The following CCSER1 variants were observed in gnomAD, a reference collection of about 807,000 sequenced individuals.
CCSER1 encodes the protein serine-rich coiled-coil domain-containing protein 1.
A neutral mutation model predicts 82.0 loss-of-function variants in CCSER1; 41 were observed. The ratio of observed to expected loss-of-function variants is 0.50; its 90% CI spans 0.39 to 0.65. The LOEUF (loss-of-function observed/expected upper bound fraction) is 0.65. Ranked by LOEUF, CCSER1 falls within the 30% of genes least tolerant of loss-of-function variation. CCSER1 has a pLI of 0.00. For missense variants in CCSER1, 1,119 were observed against 1,064.2 expected (o/e 1.05, Z -0.72); for synonymous variants, 414 against 383.9 (o/e 1.08, Z -0.92).
rs1195910793 is a variant in CCSER1, at chr4:91,604,573, G to T, written c.*5516G>T. On this transcript the variant is annotated 3_prime_UTR_variant, in exon 11 of 11. Transcript: ENST00000509176. ...CAATGAAGTGTCTAACAAAAGGAAAGCATACAGTAAATGAAAAATAAACTA... is the reference window on the plus strand; with the variant it reads ...CAATGAAGTGTCTAACAAAAGGAAATCATACAGTAAATGAAAAATAAACTA... 6.6e-6 allele frequency: 1 copy of T among 151,926 alleles called. No individual in the cohort carries two copies. Among genetic ancestry groups the T allele is most frequent in the African/African-American group, 2.4e-5 (1 of 41,398 alleles). 9.4% of individuals were successfully genotyped at this position (151,926 alleles called of 1,614,324 possible).
chr4:90,562,039 T>C (rs116396229), intron 5 of CCSER1, among the ~76,000 whole-genome samples: 9,670 of 151,528 alleles, frequency 0.064, 981 homozygotes, highest in African/African-American at 0.22. Flanking sequence ...ATATACCAAA[T>C]GTTAGCCGGG....
chr4:91,253,374 A>T (rs1279747329), intron 10 of CCSER1, among the ~76,000 whole-genome samples: 1 of 152,178 alleles, frequency 6.6e-6, no homozygotes, highest in East Asian at 1.9e-4. Flanking sequence ...CGTCAAAAGT[A>T]AGCTATTAGT....
intron 3 of CCSER1, among the ~76,000 whole-genome samples, chr4:90,332,599 A>G (rs755744279): frequency 6.6e-5 from 10 of 152,176 alleles, no homozygotes; most frequent in Admixed American, 2.0e-4. Context: ...AAGAACTCTC[A>G]TAGGACCTTT....
At position 91,098,634 on chromosome 4, in the gene CCSER1, C is replaced by T. The variant is rs142393496; in HGVS notation, c.2217+12640C>T. On this transcript the variant is annotated intron_variant, in intron 10 of 10. Coordinates refer to ENST00000509176, the MANE Select transcript of CCSER1 (RefSeq NM_001145065.2). ...TCTGCTCACTGCAAGCTCCGCCTCC[C>T]GGGTTCATGCCATTCTCCTGCCTCA... is the stretch of plus-strand genomic sequence containing the variant. Among the ~76,000 whole-genome samples the T allele has an allele frequency of 2.1e-3, 316 of 152,048 alleles. 3 individuals carry two copies. In the East Asian group the frequency reaches 0.038, roughly 18 times the overall value.
chr4:90,280,748 A>G (rs1352330136), intron 1 of CCSER1, among the ~76,000 whole-genome samples: 1 of 151,618 alleles, frequency 6.6e-6, no homozygotes, highest in Non-Finnish European at 1.5e-5. Context: ...AAATTAGAAT[A>G]AGAAAGCCCA....
chr4:90,919,011 T>C (rs1354935649), intron 8 of CCSER1, among the ~76,000 whole-genome samples: 1 of 150,304 alleles, frequency 6.7e-6, no homozygotes, highest in East Asian at 2.0e-4. Context: ...ATATTTATAT[T>C]AGTAGGCATT....
intron 10 of CCSER1, among the ~76,000 whole-genome samples, chr4:91,416,113 G>C (rs555939212): frequency 3.3e-5 from 5 of 151,742 alleles, no homozygotes; most frequent in Admixed American, 6.6e-5. Flanking sequence ...TTTCTTCCTG[G>C]TTCAGTCTTG....
At chr4:91,382,261 G>A (rs1750960748) in intron 10 of CCSER1, among the ~76,000 whole-genome samples, 1 of 152,224 alleles carries the variant, frequency 6.6e-6, no homozygotes, top group Non-Finnish European at 1.5e-5. Context: ...GAAACCTGCA[G>A]AGGTTTCTGC....
At chr4:90,844,262 G>T (rs1010372136) in intron 8 of CCSER1, among the ~76,000 whole-genome samples, 1 of 151,708 alleles carries the variant, frequency 6.6e-6, no homozygotes, top group East Asian at 1.9e-4. Context: ...GTAGCAACTG[G>T]GTATTACTAA....
rs181532046 is a variant in CCSER1 at position 90,665,560 on chromosome 4, A to G, written c.1932+37328A>G. Among the ~76,000 whole-genome samples, 141 of 152,122 alleles carry G rather than the reference A, an allele frequency of 9.3e-4. 2 individuals carry two copies. The East Asian group carries it at 0.023, about 24-fold the overall frequency. On this transcript the variant is annotated intron_variant, in intron 6 of 10. Coordinates refer to ENST00000509176, the MANE Select transcript of CCSER1 (RefSeq NM_001145065.2). The stretch of plus-strand genomic sequence containing the variant: ...ATGGTCTCGATCTCCTGACCTCGTG[A>G]TCCACCCGCCTCGGCCTCCCAAAGT...
intron 10 of CCSER1, among the ~76,000 whole-genome samples, chr4:91,594,480 CAT>C (rs1028618450): frequency 2.4e-4 from 36 of 147,944 alleles, no homozygotes; most frequent in African/African-American, 7.7e-4. Flanking sequence ...CATATATATA[CAT>C]ATATATATAC....
chr4:90,227,912 GACGGGCTTAAAAAACGCCGC>G (rs1387074290), intron 1 of CCSER1, among the ~76,000 whole-genome samples: 1 of 152,208 alleles, frequency 6.6e-6, no homozygotes, highest in Non-Finnish European at 1.5e-5. Context: ...GCGCTTTTCC[GACGGGCTTAAAAAACGCCGC>G]ACCAGGAGAT....
chr4:91,305,911 A>C (rs764038265), intron 10 of CCSER1, among the ~76,000 whole-genome samples: 1 of 151,620 alleles, frequency 6.6e-6, no homozygotes, highest in Non-Finnish European at 1.5e-5. Flanking sequence ...ACCCCCCCTC[A>C]CTATCACGAG....
intron 5 of CCSER1, among the ~76,000 whole-genome samples, chr4:90,525,644 T>G (rs141059941): frequency 6.6e-6 from 1 of 152,248 alleles, no homozygotes; most frequent in African/African-American, 2.4e-5. Context: ...TTTCAGACTT[T>G]TTTTGTTCCC....
At chr4:91,492,433 C>T (rs182223465) in intron 10 of CCSER1, among the ~76,000 whole-genome samples, 1 of 152,186 alleles carries the variant, frequency 6.6e-6, no homozygotes, top group East Asian at 1.9e-4. Flanking sequence ...TAAATAAGCA[C>T]TGCTGTCTCT....
At chr4:90,570,745 G>A (rs753327418) in intron 5 of CCSER1, among the ~76,000 whole-genome samples, 60 of 152,124 alleles carry the variant, frequency 3.9e-4, no homozygotes, top group Non-Finnish European at 2.5e-4. Context: ...GAGCACTGCT[G>A]CAGACCCACT....
chr4:91,094,106 G>A lies in CCSER1; in HGVS notation c.2217+8112G>A, dbSNP rs113685847. ...CTCCAGGTGTCGAAGCAGGGCATCCGTCCCTTTGGCATACCCATCTGCCGT... is the reference window on the plus strand; with the variant it reads ...CTCCAGGTGTCGAAGCAGGGCATCCATCCCTTTGGCATACCCATCTGCCGT... On this transcript the variant is annotated intron_variant, in intron 10 of 10. Transcript: ENST00000509176. Among the ~76,000 whole-genome samples, 867 of 152,248 alleles carry A rather than the reference G, an allele frequency of 5.7e-3. 10 individuals carry two copies. The highest frequency in any genetic ancestry group is 0.018 in the African/African-American group (739 of 41,558).
At chr4:90,888,358 G>C (rs1431953325) in intron 8 of CCSER1, among the ~76,000 whole-genome samples, 1 of 151,980 alleles carries the variant, frequency 6.6e-6, no homozygotes, top group African/African-American at 2.4e-5. Context: ...TTAATATCGA[G>C]TACCCTTCCT....
intron 9 of CCSER1, among the ~76,000 whole-genome samples, chr4:91,028,657 A>C (rs1466455258): frequency 6.6e-6 from 1 of 151,928 alleles, no homozygotes; most frequent in Non-Finnish European, 1.5e-5. Flanking sequence ...AACAAAAGTA[A>C]TCTACTTGTT....
Sources: allele counts gnomAD v4.1 joint callset (sites outside exome capture counted in the v4.1 genomes callset), GRCh38; gene constraint gnomAD v4.1.1; transcripts MANE v1.5; gene names NCBI Gene and HGNC (gene_info 2026-07-23, HGNC 2026-07-21).